Variants in CYP24A1 observed in about 807,000 individuals in gnomAD.
The protein encoded by CYP24A1 is 1,25-dihydroxyvitamin D(3) 24-hydroxylase, mitochondrial.
CYP24A1 carries 68 observed loss-of-function variants against 62.4 expected under a neutral mutation model. The observed-to-expected ratio is 1.09, with a 90% CI of 0.90 to 1.33. CYP24A1 has a LOEUF of 1.33. Ranked by LOEUF, CYP24A1 falls within the 40% of genes most tolerant of loss-of-function variation. The pLI, the probability that CYP24A1 is intolerant of heterozygous loss-of-function variation, is 0.00. For missense variants in CYP24A1, 787 were observed against 653.0 expected (o/e 1.21, Z -2.24); for synonymous variants, 267 against 253.0 (o/e 1.06, Z -0.52).
chr20:54,146,979 C>A, the CYP24A1 span, among the ~76,000 whole-genome samples: 7 of 152,204 alleles, frequency 4.6e-5, no homozygotes, highest in Non-Finnish European at 1.5e-5. Context: ...TAGGCCAAAT[C>A]ATAAAATGGC....
intron 7 of CYP24A1, among the ~76,000 whole-genome samples, chr20:54,160,287 A>G (rs2092645489): frequency 6.6e-6 from 1 of 152,262 alleles, no homozygotes. Flanking sequence ...ATGACTAGAG[A>G]AAAAATATTG....
At chr20:54,158,816 T>C (rs1485839020) in intron 8 of CYP24A1, 141 bp downstream of exon 8, 4 of 1,436,732 alleles carry the variant, frequency 2.8e-6, no homozygotes, top group Non-Finnish European at 2.8e-6. Context: ...AAAAGAAATA[T>C]GGCTCCAAAG....
At chr20:54,157,902 A>T (rs1490941357) in intron 9 of CYP24A1, among the ~76,000 whole-genome samples, 184 bp downstream of exon 9, 1 of 152,250 alleles carries the variant, frequency 6.6e-6, no homozygotes, top group Admixed American at 6.5e-5. Flanking sequence ...AACTGAATGC[A>T]GGTCTCTGTC....
In CYP24A1 at chr20:54,165,380, C is replaced by T. The variant is rs187887869; in HGVS notation, c.732+362G>A. On this transcript the variant is annotated intron_variant, in intron 5 of 11. Coordinates refer to ENST00000216862, the MANE Select transcript of CYP24A1 (RefSeq NM_000782.5). ...CCCCAGATGGGACTTTCGTGTTGCA[C>T]GAAAACAAGCTCAGGGCTCCCACTG... 2.8e-3 allele frequency among the ~76,000 whole-genome samples: 429 copies of T among 152,308 alleles called. 5 individuals are homozygous for T. The highest frequency in any genetic ancestry group is 9.7e-3 in the African/African-American group (403 of 41,566).
chr20:54,160,744 G>T (rs2092647352), intron 7 of CYP24A1, among the ~76,000 whole-genome samples: 1 of 152,222 alleles, frequency 6.6e-6, no homozygotes, highest in Admixed American at 6.5e-5. Context: ...CCATATCAGT[G>T]AGTCCCTCAC....
Position 54,153,904 on chromosome 20 carries a change from A to G in CYP24A1, c.*868T>C, listed in dbSNP as rs1049826463. 6.6e-6 allele frequency: 1 copy of G among 152,554 alleles called. No homozygotes were observed. The highest frequency in any genetic ancestry group is 2.4e-5 in the African/African-American group (1 of 41,466). The allele number at this position is 152,554 out of a possible 1,614,324, so 9.5% of individuals were successfully genotyped here. ...TAGACAGAAAAATTATGGCATGGGA[A>G]ATCATTTTATAATATTAAAGTCACA... On this transcript the variant is annotated 3_prime_UTR_variant, in exon 12 of 12. Transcript: ENST00000216862.
intron 4 of CYP24A1, among the ~76,000 whole-genome samples, chr20:54,166,591 A>G (rs947485676): frequency 1.3e-5 from 2 of 152,210 alleles, no homozygotes; most frequent in Admixed American, 6.5e-5. Flanking sequence ...GTAATGTCCT[A>G]AGAATAAAGC....
chr20:54,153,365 G>A (rs2092615966), downstream of CYP24A1: 1 of 152,210 alleles, frequency 6.6e-6, no homozygotes, highest in Non-Finnish European at 1.5e-5. Flanking sequence ...TAGGCCATAT[G>A]AGAAAATTTT....
Position 54,171,630 on chromosome 20 carries a change from T to C in CYP24A1, c.490A>G (p.Lys164Glu), listed in dbSNP as rs767884853. The C allele has an allele frequency of 1.2e-5, 20 of 1,613,812 alleles. No homozygotes were observed. The highest frequency in any genetic ancestry group is 4.0e-5 in the African/African-American group (3 of 74,886). ...ACTTCCCCTGGTTTCATTAGTTTCTTTTGAAAGGCACTCCGGACCCGCTGC... is the reference window on the plus strand; with the variant it reads ...ACTTCCCCTGGTTTCATTAGTTTCTCTTGAAAGGCACTCCGGACCCGCTGC... ...DWQRVRSAFQKKLMKPGEVMK... is the reference protein window; with the variant it reads ...DWQRVRSAFQEKLMKPGEVMK... The change falls in exon 3 of 12, where the codon AAG becomes GAG. Residue 164 changes from lysine to glutamate, a missense_variant. Physicochemically the swap from Lys to Glu is moderately conservative, Grantham distance 56. Coordinates refer to ENST00000216862, the MANE Select transcript of CYP24A1 (RefSeq NM_000782.5).
In CYP24A1 at chr20:54,164,456, T is replaced by C. The variant is rs528653327; in HGVS notation, c.840A>G (p.Lys280=). 6.2e-7 allele frequency: 1 copy of C among 1,614,102 alleles called. No individual in the cohort carries two copies. Among genetic ancestry groups the C allele is most frequent in the African/African-American group, 1.3e-5 (1 of 75,026 alleles). The part of the protein sequence containing the change: ...DHTLAWDTIF[K]SVKACIDNRL... ...TTGTGAAGGGCGGCCCTTTACCTGA[T>C]TTGAAAATGGTGTCCCAGGCCAGAG... is the stretch of plus-strand genomic sequence containing the variant. The change falls in exon 6 of 12, where the codon AAA becomes AAG. Residue 280 remains lysine, a synonymous_variant. Coordinates refer to ENST00000216862, the MANE Select transcript of CYP24A1 (RefSeq NM_000782.5).
At chr20:54,171,431 A>G in intron 3 of CYP24A1, 146 bp downstream of exon 3, 1 of 1,502,760 alleles carries the variant, frequency 6.7e-7, no homozygotes, top group Non-Finnish European at 9.1e-7. Flanking sequence ...GGCTGTAGGA[A>G]GGAATGGAGA....
chr20:54,155,002 A>C (rs1370592113), intron 11 of CYP24A1: 1 of 145,518 alleles, frequency 6.9e-6, no homozygotes, highest in Non-Finnish European at 1.5e-5. Flanking sequence ...CTAATTGTAT[A>C]TCAAAGAAGT....
At chr20:54,163,754 C>T (rs1357787025) in intron 6 of CYP24A1, among the ~76,000 whole-genome samples, 2 of 152,162 alleles carry the variant, frequency 1.3e-5, no homozygotes, top group East Asian at 3.8e-4. Context: ...TTTATGTTAA[C>T]TGTAATCTGT....
At chr20:54,157,693 T>C (rs2092634493) in intron 9 of CYP24A1, 108 bp from the exon 10 acceptor site, 1 of 791,164 alleles carries the variant, frequency 1.3e-6, no homozygotes, top group African/African-American at 1.7e-5. Context: ...AATCCACAAA[T>C]TTATAATAAT....
Position 54,165,791 on chromosome 20 carries a change from T to C in CYP24A1, c.683A>G (p.Gln228Arg), listed in dbSNP as rs750368658. ...VLYEKRFGLL[Q>R]KNAGDEAVNF... ...CACAGCTTCATCCCCTGCATTCTTC[T>C]GGAGAAGCCCAAATCTCTTCTCATA... The change falls in exon 5 of 12, where the codon CAG becomes CGG. Residue 228 changes from glutamine (Q) to arginine (R), a missense_variant. Transcript: ENST00000216862. 23 of 1,537,726 alleles carry C rather than the reference T, an allele frequency of 1.5e-5. No individual in the cohort carries two copies. Among genetic ancestry groups the C allele is most frequent in the Non-Finnish European group, 1.9e-5 (21 of 1,110,058 alleles).
chr20:54,153,330 G>T (rs566532908), downstream of CYP24A1: 1 of 152,204 alleles, frequency 6.6e-6, no homozygotes, highest in African/African-American at 2.4e-5. Context: ...TTTATCTAAG[G>T]GTAAATTTTG....
rs112596218 is a variant in CYP24A1 at position 54,157,453 on chromosome 20, C to T, written c.1369G>A (p.Val457Ile). The T allele has an allele frequency of 5.1e-4, 821 of 1,604,798 alleles. 1 individual carries two copies. The highest frequency in any genetic ancestry group is 1.2e-3 in the Middle Eastern group (7 of 6,042). ...CGACCAATGCACATTCTTTTTCCAA[C>T]GCCAAATGGAAGATGCGCAAAAGGA... ...INPFAHLPFG[V>I]GKRMCIGRRL... is the part of the protein sequence containing the mutation. Residue 457 changes from valine to isoleucine, a missense_variant, in exon 10 of 12, where the codon GTT (valine) becomes ATT (isoleucine). By Grantham distance (29) the Val-to-Ile change is conservative (BLOSUM62 3). Transcript: ENST00000216862.
chr20:54,162,848 C>CGATACAAGCTTTGACTATTAGAGCA lies in CYP24A1; in HGVS notation c.845-11_858dup (p.Asp287CysfsTer20), dbSNP rs749784738. On this transcript the variant is annotated frameshift_variant, in exon 7 of 12. Coordinates refer to ENST00000216862, the MANE Select transcript of CYP24A1 (RefSeq NM_000782.5). LOFTEE classifies it high-confidence loss of function. ...TGAGAATACTTCTCTAACCGGTTGT[C>CGATACAAGCTTTGACTATTAGAGCA]GATACAAGCTTTGACTATTAGAGCA... 2 of 1,576,630 alleles carry CGATACAAGCTTTGACTATTAGAGCA rather than the reference C, an allele frequency of 1.3e-6. No homozygotes were observed. Among genetic ancestry groups the CGATACAAGCTTTGACTATTAGAGCA allele is most frequent in the Non-Finnish European group, 1.7e-6 (2 of 1,146,252 alleles).
At chr20:54,172,698 T>G in intron 2 of CYP24A1, 11 of 1,169,156 alleles carry the variant, frequency 9.4e-6, no homozygotes, top group Non-Finnish European at 8.2e-6. Flanking sequence ...AGAACGCAGG[T>G]GCTGGGTGCA....
Sources: allele counts gnomAD v4.1 joint callset (sites outside exome capture counted in the v4.1 genomes callset), GRCh38; gene constraint gnomAD v4.1.1; transcripts MANE v1.5; gene names NCBI Gene and HGNC (gene_info 2026-07-23, HGNC 2026-07-21).